Variants in RAB2A observed in about 807,000 individuals in gnomAD.
The protein encoded by RAB2A is ras-related protein Rab-2A.
In RAB2A, 7 loss-of-function variants were observed where a neutral mutation model predicts 32.5. The observed-to-expected ratio is 0.22, with a 90% CI of 0.12 to 0.40. The LOEUF is 0.40. Ranked by LOEUF, RAB2A falls within the 10% of genes least tolerant of loss-of-function variation. The pLI is 1.00. For missense variants in RAB2A, 108 were observed against 260.7 expected, an observed-to-expected ratio of 0.41 and a Z score of 4.03; for synonymous variants, 79 against 85.2, an observed-to-expected ratio of 0.93 and a Z score of 0.40.
intron 5 of RAB2A, 105 bp downstream of exon 5, chr8:60,584,920 T>A: frequency 1.3e-6 from 1 of 746,792 alleles, no homozygotes; most frequent in Non-Finnish European, 2.0e-6. Context: ...ACCAGCCTCT[T>A]AAATTATAAA....
chr8:60,584,303 A>G lies in RAB2A; in HGVS notation c.269+13A>G, dbSNP rs75700082. ...ACGATATTACACGGTGAGAACTTGA[A>G]AACTTTGCAATTCAGTAGTTGATAC... On this transcript the variant is annotated intron_variant, in intron 4 of 7. Transcript: ENST00000262646. The G allele has an allele frequency of 2.1e-4, 327 of 1,565,918 alleles. 2 individuals are homozygous for G. The East Asian group carries it at 7.3e-3, about 35-fold the overall frequency.
chr8:60,601,967 C>G (rs975441330), intron 6 of RAB2A, among the ~76,000 whole-genome samples: 1 of 152,124 alleles, frequency 6.6e-6, no homozygotes, highest in Non-Finnish European at 1.5e-5. Flanking sequence ...TAGCCTCAAC[C>G]TCTTGGGCTC....
chr8:60,537,293 C>T (rs142651837), intron 1 of RAB2A, among the ~76,000 whole-genome samples: 4,115 of 152,218 alleles, frequency 0.027, 89 homozygotes, highest in Admixed American at 0.062. Flanking sequence ...GTGCTCTCAG[C>T]TCACTGCAAC....
At chr8:60,548,017 C>T (rs1807772273) in intron 1 of RAB2A, among the ~76,000 whole-genome samples, 2 of 15,558 alleles carry the variant, frequency 1.3e-4, no homozygotes, top group Admixed American at 2.9e-4. Context: ...CTGACCCCCC[C>T]ACCTCCCTCC....
In RAB2A at chr8:60,618,596, C is replaced by A; in HGVS notation, c.491C>A (p.Ala164Glu). The change falls in exon 7 of 8, where the codon GCA becomes GAA. Residue 164 changes from alanine (A) to glutamate (E), a missense_variant. This residue lies in a region of RAB2A where 79 missense variants were observed against 199.8 expected (regional missense o/e 0.40). Transcript: ENST00000262646. ...SNVEEAFINTAKEIYEKIQEG... is the reference protein window; with the variant it reads ...SNVEEAFINTEKEIYEKIQEG... The stretch of plus-strand genomic sequence containing the variant: ...ATATTTCAGGCATTTATTAATACAG[C>A]AAAAGAAATTTATGAAAAAATTCAA... The A allele has an allele frequency of 8.2e-7, 1 of 1,226,880 alleles. No homozygotes were observed. The highest frequency in any genetic ancestry group is 1.7e-5 in the South Asian group (1 of 58,334). 76.0% of individuals were successfully genotyped at this position (1,226,880 alleles called of 1,614,324 possible).
chr8:60,548,109 A>C, intron 1 of RAB2A, among the ~76,000 whole-genome samples: 1 of 7,162 alleles, frequency 1.4e-4, no homozygotes, highest in Non-Finnish European at 2.9e-4. Flanking sequence ...CACTTCCCGG[A>C]TGGGGCGGCT....
intron 1 of RAB2A, among the ~76,000 whole-genome samples, chr8:60,545,698 AG>A (rs1586072936): frequency 3.3e-5 from 5 of 152,206 alleles, no homozygotes; most frequent in Admixed American, 2.0e-4. Flanking sequence ...CCCTGAGTAA[AG>A]GAAGAAGGTA....
chr8:60,545,295 T>A (rs756078665), intron 1 of RAB2A, among the ~76,000 whole-genome samples: 45 of 152,266 alleles, frequency 3.0e-4, no homozygotes, highest in Middle Eastern at 6.8e-3. Context: ...GCTTCAGGAA[T>A]CTGCCTTTTT....
At chr8:60,612,088 C>G (rs1563487136) in intron 6 of RAB2A, among the ~76,000 whole-genome samples, 1 of 152,074 alleles carries the variant, frequency 6.6e-6, no homozygotes, top group Non-Finnish European at 1.5e-5. Flanking sequence ...TTTTAAGCCC[C>G]ACATGCATTA....
chr8:60,524,714 C>G (rs2130805946), intron 1 of RAB2A, among the ~76,000 whole-genome samples: 1 of 152,314 alleles, frequency 6.6e-6, no homozygotes, highest in South Asian at 2.1e-4. Flanking sequence ...TTTAGTCACT[C>G]TCCGGGGAGT....
intron 1 of RAB2A, among the ~76,000 whole-genome samples, chr8:60,550,115 C>T (rs1372135007): frequency 6.6e-6 from 1 of 152,168 alleles, no homozygotes; most frequent in Non-Finnish European, 1.5e-5. Flanking sequence ...ATAGACATCT[C>T]AACTCAAAAT....
intron 1 of RAB2A, among the ~76,000 whole-genome samples, chr8:60,545,039 C>G (rs1347101469): frequency 6.6e-6 from 1 of 152,096 alleles, no homozygotes; most frequent in East Asian, 1.9e-4. Flanking sequence ...GCCACCATGC[C>G]TGACTTGCGT....
At chr8:60,570,092 T>C (rs1382190394) in intron 2 of RAB2A, 4 of 453,460 alleles carry the variant, frequency 8.8e-6, no homozygotes, top group South Asian at 4.7e-5. Flanking sequence ...CTGCTCAAGA[T>C]ATCAATTCCA....
chr8:60,535,589 T>A (rs1367339725), intron 1 of RAB2A, among the ~76,000 whole-genome samples: 1 of 152,218 alleles, frequency 6.6e-6, no homozygotes, highest in Non-Finnish European at 1.5e-5. Context: ...TTAGTTGAGG[T>A]CTGTGGTAGC....
At chr8:60,617,197 A>G (rs1470046269) in intron 6 of RAB2A, among the ~76,000 whole-genome samples, 1 of 152,124 alleles carries the variant, frequency 6.6e-6, no homozygotes. Flanking sequence ...TAATTTCTAA[A>G]TATTTTACAT....
At chr8:60,563,177 A>G (rs1808049995) in intron 2 of RAB2A, among the ~76,000 whole-genome samples, 1 of 152,246 alleles carries the variant, frequency 6.6e-6, no homozygotes, top group South Asian at 2.1e-4. Context: ...CTAAGAAGGT[A>G]TTAAATGATA....
At chr8:60,611,659 TTG>T (rs1804351658) in intron 6 of RAB2A, among the ~76,000 whole-genome samples, 1 of 152,206 alleles carries the variant, frequency 6.6e-6, no homozygotes. Context: ...TTAAACATTT[TTG>T]TGTTACCTCT....
intron 2 of RAB2A, among the ~76,000 whole-genome samples, chr8:60,562,221 G>A (rs1261436871): frequency 6.6e-6 from 1 of 152,106 alleles, no homozygotes; most frequent in Admixed American, 6.5e-5. Flanking sequence ...ATTGTTAACA[G>A]GAAAGGAACA....
rs75251919 is a variant in RAB2A, at chr8:60,521,171, T to A, written c.46+3918T>A. On this transcript the variant is annotated intron_variant, in intron 1 of 7. Transcript: ENST00000262646. Reference sequence around the variant, plus strand: ...GGAAGGTCTTTGCCTTTGTCTTAGATGCCAGGGTACACCATTGAGTGTCAG... The same window carrying A: ...GGAAGGTCTTTGCCTTTGTCTTAGAAGCCAGGGTACACCATTGAGTGTCAG... Among the ~76,000 whole-genome samples, 48 of 152,362 alleles carry A rather than the reference T, an allele frequency of 3.2e-4. No homozygotes were observed. In the East Asian group the frequency reaches 8.5e-3, roughly 27 times the overall value.
Sources: gnomAD v4.1 joint callset for allele counts (sites outside exome capture counted in the v4.1 genomes callset) on GRCh38, gnomAD v4.1.1 for gene constraint, gnomAD v4.1.1 regional missense constraint, MANE v1.5 for transcripts, NCBI Gene and HGNC (gene_info 2026-07-23, HGNC 2026-07-21) for gene names.